Variants in BAIAP2L1 observed in about 807,000 individuals in gnomAD.
BAIAP2L1 encodes BAR/IMD domain-containing adapter protein 2-like 1.
In BAIAP2L1, 35 loss-of-function variants were observed where a neutral mutation model predicts 66.3. The observed-to-expected ratio is 0.53, with a 90% CI of 0.40 to 0.70. The LOEUF (loss-of-function observed/expected upper bound fraction) is 0.70. Ranked by LOEUF, BAIAP2L1 falls within the 30% of genes least tolerant of loss-of-function variation. The pLI is 0.00. For synonymous variants in BAIAP2L1, 269 were observed against 248.7 expected (o/e 1.08, Z -0.77); for missense variants, 622 against 656.9 (o/e 0.95, Z 0.58).
At chr7:98,307,946 T>A (rs6465666) in intron 9 of BAIAP2L1, 50 bp from the exon 10 acceptor site, 1 of 1,567,218 alleles carries the variant, frequency 6.4e-7, no homozygotes, top group South Asian at 1.1e-5. Flanking sequence ...TGAGAATCAA[T>A]AGGCACATTC....
At chr7:98,310,616 C>T (rs774657684) in intron 8 of BAIAP2L1, 24 bp from the exon 9 acceptor site, 1 of 1,541,886 alleles carries the variant, frequency 6.5e-7, no homozygotes, top group South Asian at 1.2e-5. Context: ...TTTATTAGTC[C>T]AATATTAGTA....
chr7:98,370,646 C>G (rs537437381), intron 1 of BAIAP2L1, among the ~76,000 whole-genome samples: 3 of 151,336 alleles, frequency 2.0e-5, no homozygotes, highest in Admixed American at 2.0e-4. Context: ...GGACTACAGG[C>G]GCCCGCCACC....
In BAIAP2L1 at chr7:98,302,646, A is replaced by G. The variant is rs148250285; in HGVS notation, c.1422+1550T>C. Among the ~76,000 whole-genome samples, 18 of 152,302 alleles carry G rather than the reference A, an allele frequency of 1.2e-4. No homozygotes were observed. The East Asian group carries it at 3.1e-3, about 26-fold the overall frequency. On this transcript the variant is annotated intron_variant, in intron 12 of 13. Transcript: ENST00000005260. The stretch of plus-strand genomic sequence containing the variant: ...AGATGGGGGACACCCTCCAGGACAA[A>G]TGACTGGTTCTTCTACAAAGAGACT...
At chr7:98,313,171 C>T (rs1800937121) in intron 7 of BAIAP2L1, among the ~76,000 whole-genome samples, 1 of 150,996 alleles carries the variant, frequency 6.6e-6, no homozygotes. Context: ...CACCCTGACA[C>T]TCTGCAGCAC....
chr7:98,355,009 TG>T (rs77032872), intron 3 of BAIAP2L1, 32 bp downstream of exon 3: 284,068 of 1,519,550 alleles, frequency 0.19, 28,525 homozygotes, highest in South Asian at 0.32. Flanking sequence ...GGATGACAAG[TG>T]GGGTTTATGT....
intron 1 of BAIAP2L1, among the ~76,000 whole-genome samples, chr7:98,381,928 G>GTTT (rs35903783): frequency 1.6e-4 from 23 of 139,448 alleles, no homozygotes; most frequent in South Asian, 6.8e-4. Flanking sequence ...AAATCTAAGG[G>GTTT]TTTTTTTTTT....
At chr7:98,304,522 A>C (rs781024243) in intron 11 of BAIAP2L1, 146 bp from the exon 12 acceptor site, 22 of 815,214 alleles carry the variant, frequency 2.7e-5, no homozygotes, top group Non-Finnish European at 3.9e-5. Context: ...AGACACACAC[A>C]GTACATATAT....
intron 12 of BAIAP2L1, among the ~76,000 whole-genome samples, chr7:98,299,410 G>T (rs73147342): frequency 0.4 from 61,190 of 151,970 alleles, 13,430 homozygotes; most frequent in Middle Eastern, 0.54. Context: ...CTCCCGCCTC[G>T]GCCTCCCAAA....
At chr7:98,313,699 A>T (rs978647454) in intron 7 of BAIAP2L1, among the ~76,000 whole-genome samples, 2 of 151,788 alleles carry the variant, frequency 1.3e-5, no homozygotes, top group Non-Finnish European at 2.9e-5. Context: ...GCTCACTGCA[A>T]CCTCGAACTC....
At chr7:98,352,160 A>G (rs1299536204) in intron 3 of BAIAP2L1, among the ~76,000 whole-genome samples, 1 of 152,052 alleles carries the variant, frequency 6.6e-6, no homozygotes, top group Non-Finnish European at 1.5e-5. Context: ...TTTAGTCTGA[A>G]CTGTATCAAT....
chr7:98,359,422 G>A (rs932728982), intron 2 of BAIAP2L1, among the ~76,000 whole-genome samples: 3 of 151,942 alleles, frequency 2.0e-5, no homozygotes, highest in Admixed American at 2.0e-4. Context: ...ACAGGCACCC[G>A]CCACCACGCC....
chr7:98,361,248 T>C (rs573829436), intron 2 of BAIAP2L1, among the ~76,000 whole-genome samples: 1 of 151,932 alleles, frequency 6.6e-6, no homozygotes, highest in African/African-American at 2.4e-5. Flanking sequence ...TCCCAGCTAC[T>C]TGGGAGGCTG....
chr7:98,389,223 T>C (rs1245956405), intron 1 of BAIAP2L1, among the ~76,000 whole-genome samples: 1 of 152,140 alleles, frequency 6.6e-6, no homozygotes, highest in African/African-American at 2.4e-5. Flanking sequence ...TAACTCAGCA[T>C]GGGGCTGCTG....
intron 10 of BAIAP2L1, 73 bp from the exon 11 acceptor site, chr7:98,306,589 T>TGA: frequency 6.2e-7 from 1 of 1,609,674 alleles, no homozygotes; most frequent in Non-Finnish European, 8.5e-7. Flanking sequence ...AACAACCTGG[T>TGA]GAGAGCTCAG....
At chr7:98,375,409 A>T (rs910998748) in intron 1 of BAIAP2L1, among the ~76,000 whole-genome samples, 11 of 150,524 alleles carry the variant, frequency 7.3e-5, no homozygotes, top group South Asian at 6.3e-4. Context: ...AAAAAAAAAA[A>T]TTTGTGAGAG....
At chr7:98,324,519 A>G (rs1562973963) in intron 3 of BAIAP2L1, among the ~76,000 whole-genome samples, 1 of 152,134 alleles carries the variant, frequency 6.6e-6, no homozygotes, top group Non-Finnish European at 1.5e-5. Context: ...AAAGGACAAA[A>G]CTTCAGGAAG....
At chr7:98,400,713 G>A (rs1584515434) in intron 1 of BAIAP2L1, 89 bp downstream of exon 1, 4 of 1,416,924 alleles carry the variant, frequency 2.8e-6, no homozygotes. Context: ...GGAGCTGGAG[G>A]GAGGGAAAGT....
chr7:98,335,298 T>C (rs115136370), intron 3 of BAIAP2L1, among the ~76,000 whole-genome samples: 2,985 of 130,468 alleles, frequency 0.023, 101 homozygotes, highest in African/African-American at 0.072. Flanking sequence ...ACGCTGACCA[T>C]GGGGATATTA....
intron 1 of BAIAP2L1, among the ~76,000 whole-genome samples, chr7:98,381,648 A>G (rs758879943): frequency 5.3e-5 from 8 of 152,200 alleles, no homozygotes; most frequent in Non-Finnish European, 8.8e-5. Context: ...TTCTTCTGAT[A>G]TATTACTAGA....
Sources: allele counts gnomAD v4.1 joint callset (sites outside exome capture counted in the v4.1 genomes callset), GRCh38; gene constraint gnomAD v4.1.1; transcripts MANE v1.5; gene names NCBI Gene and HGNC (gene_info 2026-07-23, HGNC 2026-07-21).